TBC1D31: variants seen among roughly 807,000 people sequenced by gnomAD.
The protein encoded by TBC1D31 is TBC1 domain family member 31, also known as WD repeat domain 67.
A neutral mutation model predicts 132.9 loss-of-function variants in TBC1D31; 99 were observed. The ratio of observed to expected loss-of-function variants is 0.74; its 90% confidence interval spans 0.63 to 0.88. TBC1D31 has a LOEUF of 0.88. TBC1D31 is among the 40% of genes least tolerant of loss of function. The pLI, the probability that TBC1D31 is intolerant of heterozygous loss-of-function variation, is 0.00. For missense variants in TBC1D31, 1,134 were observed against 1,256.6 expected (o/e 0.90, Z 1.48); for synonymous variants, 385 against 419.4 (o/e 0.92, Z 1.00).
intron 6 of TBC1D31, chr8:123,097,647 TA>T (rs1216112577): frequency 2.1e-5 from 10 of 478,842 alleles, no homozygotes; most frequent in Non-Finnish European, 3.5e-5. Context: ...GCTCTTTTTA[TA>T]AAATCAACAT....
chr8:123,101,066 C>A, intron 7 of TBC1D31, 59 bp downstream of exon 7: 1 of 1,228,554 alleles, frequency 8.1e-7, no homozygotes, highest in Non-Finnish European at 1.2e-6. Context: ...ATTATATCAT[C>A]AAGAATAAAA....
intron 6 of TBC1D31, among the ~76,000 whole-genome samples, chr8:123,099,060 G>A (rs1817103306): frequency 6.6e-6 from 1 of 152,296 alleles, no homozygotes; most frequent in South Asian, 2.1e-4. Flanking sequence ...CTTAGACAAG[G>A]CAGCATGGGG....
chr8:123,087,386 C>A (rs1815875282), intron 4 of TBC1D31, among the ~76,000 whole-genome samples: 1 of 152,174 alleles, frequency 6.6e-6, no homozygotes, highest in South Asian at 2.1e-4. Flanking sequence ...GAACAGCTAG[C>A]AATGCATGTC....
intron 17 of TBC1D31, among the ~76,000 whole-genome samples, chr8:123,139,306 G>A (rs527293698): frequency 1.4e-3 from 206 of 152,134 alleles, no homozygotes; most frequent in African/African-American, 4.7e-3. Flanking sequence ...CTCAAAGACC[G>A]TCTGGAATAT....
intron 1 of TBC1D31, among the ~76,000 whole-genome samples, chr8:123,073,680 C>T (rs62520593): frequency 0.08 from 12,149 of 151,926 alleles, 515 homozygotes; most frequent in African/African-American, 0.091. Context: ...GTTTCTTGTT[C>T]TAGCAGTGAT....
At chr8:123,111,534 A>C (rs900525122) in intron 10 of TBC1D31, among the ~76,000 whole-genome samples, 1 of 152,114 alleles carries the variant, frequency 6.6e-6, no homozygotes, top group South Asian at 2.1e-4. Flanking sequence ...TCATACTAAT[A>C]TTTTCAATTC....
At chr8:123,145,936 T>C (rs549262040) in intron 20 of TBC1D31, among the ~76,000 whole-genome samples, 16 of 150,622 alleles carry the variant, frequency 1.1e-4, no homozygotes, top group African/African-American at 3.9e-4. Context: ...AGTGGTGCGA[T>C]CTCAGCTCAC....
chr8:123,159,057 G>A, the TBC1D31 span, among the ~76,000 whole-genome samples: 18 of 152,114 alleles, frequency 1.2e-4, no homozygotes, highest in African/African-American at 4.3e-4. Flanking sequence ...TGCGGACTGC[G>A]GACTGGGAGT....
At position 123,100,872 on chromosome 8, in the gene TBC1D31, CTT is replaced by C. The variant is rs1203844944; in HGVS notation, c.899_900del (p.Phe300Ter). 6.2e-7 allele frequency: 1 copy of C among 1,613,942 alleles called. No individual in the cohort carries two copies. Among genetic ancestry groups the C allele is most frequent in the Admixed American group, 1.7e-5 (1 of 60,016 alleles). On this transcript the variant is annotated frameshift_variant, in exon 7 of 22. Coordinates refer to ENST00000287380, the MANE Select transcript of TBC1D31 (RefSeq NM_145647.4). LOFTEE classifies it high-confidence loss of function. Reference protein sequence around the residue: ...FINMQTCKLLFEIGSLDEGIS... With the variant: ...FINMQTCKLLXEIGSLDEGIS... ...TCAATATGCAGACTTGTAAACTTCT[CTT>C]TGAGATTGGGAGCCTCGATGAAGGA...
At chr8:123,130,130 G>A in intron 15 of TBC1D31, 68 bp from the exon 16 acceptor site, 3 of 1,505,478 alleles carry the variant, frequency 2.0e-6, no homozygotes, top group Non-Finnish European at 2.7e-6. Context: ...TGGCAGACCT[G>A]TTATGAAAAA....
intron 19 of TBC1D31, among the ~76,000 whole-genome samples, chr8:123,142,895 G>C (rs549214616): frequency 6.6e-6 from 1 of 152,270 alleles, no homozygotes; most frequent in South Asian, 2.1e-4. Context: ...CAATGTAAAA[G>C]ATGCTGAATA....
At chr8:123,115,647 G>T (rs1052078339) in intron 10 of TBC1D31, among the ~76,000 whole-genome samples, 4 of 152,172 alleles carry the variant, frequency 2.6e-5, no homozygotes, top group African/African-American at 9.7e-5. Context: ...CTTTCTAGAG[G>T]CTCTGGGGAG....
At chr8:123,102,283 T>C (rs1238093467) in intron 7 of TBC1D31, 5 of 456,498 alleles carry the variant, frequency 1.1e-5, no homozygotes, top group Non-Finnish European at 2.2e-5. Context: ...ACACAGCGAG[T>C]AACTAGCAGT....
At chr8:123,086,682 C>G (rs1815788717) in intron 4 of TBC1D31, among the ~76,000 whole-genome samples, 1 of 151,820 alleles carries the variant, frequency 6.6e-6, no homozygotes, top group African/African-American at 2.4e-5. Context: ...TCACCGATTC[C>G]CCCTCCCTCT....
chr8:123,100,765 A>G (rs761545159), intron 6 of TBC1D31, 42 bp from the exon 7 acceptor site: 2 of 1,490,898 alleles, frequency 1.3e-6, no homozygotes, highest in South Asian at 2.3e-5. Context: ...TCAGACATTG[A>G]CTATCACATG....
At chr8:123,138,901 C>G (rs545374991) in intron 17 of TBC1D31, among the ~76,000 whole-genome samples, 1 of 152,194 alleles carries the variant, frequency 6.6e-6, no homozygotes, top group African/African-American at 2.4e-5. Flanking sequence ...CTTCTGCCTC[C>G]CGGGCTCCTG....
At chr8:123,125,493 A>G (rs1819948172) in intron 11 of TBC1D31, among the ~76,000 whole-genome samples, 1 of 152,240 alleles carries the variant, frequency 6.6e-6, no homozygotes, top group Admixed American at 6.5e-5. Flanking sequence ...CCTTATTACC[A>G]TGCTTATAGA....
intron 7 of TBC1D31, chr8:123,103,187 A>G (rs1163111788): frequency 2.0e-5 from 3 of 152,188 alleles, no homozygotes; most frequent in Non-Finnish European, 2.9e-5. Context: ...TTAACTATAC[A>G]TATATGTTTC....
intron 5 of TBC1D31, among the ~76,000 whole-genome samples, chr8:123,094,381 A>T (rs1816646922): frequency 6.6e-6 from 1 of 151,880 alleles, no homozygotes; most frequent in East Asian, 1.9e-4. Flanking sequence ...TTTATCAATA[A>T]CTTCACCTAC....
Sources: allele counts gnomAD v4.1 joint callset (sites outside exome capture counted in the v4.1 genomes callset), GRCh38; gene constraint gnomAD v4.1.1; transcripts MANE v1.5; gene names NCBI Gene and HGNC (gene_info 2026-07-23, HGNC 2026-07-21).